The following MSANTD3 variants were observed in gnomAD, a reference collection of about 807,000 sequenced individuals.
MSANTD3 encodes myb/SANT-like DNA-binding domain-containing protein 3.
MSANTD3 carries 11 observed loss-of-function variants against 27.7 expected under a neutral mutation model. That is an observed-to-expected ratio of 0.40 (90% CI 0.25 to 0.66). The LOEUF (loss-of-function observed/expected upper bound fraction) is 0.66, where lower values mean the gene tolerates loss of function less well. Ranked by LOEUF, MSANTD3 falls within the 30% of genes least tolerant of loss-of-function variation. MSANTD3 has a pLI of 0.41. For synonymous variants in MSANTD3, 131 were observed against 127.2 expected (o/e 1.03, Z -0.20); for missense variants, 250 against 336.5 (o/e 0.74, Z 2.01).
intron 2 of MSANTD3, 28 bp downstream of exon 2, chr9:100,442,384 G>A (rs751481223): frequency 3.2e-6 from 5 of 1,573,564 alleles, no homozygotes; most frequent in Admixed American, 1.9e-5. Flanking sequence ...CAGTGTGCAC[G>A]CTCTCACTGG....
rs149196898 is a variant in MSANTD3, at chr9:100,443,314, G to T, written c.418+958G>T. On this transcript the variant is annotated intron_variant, in intron 2 of 2. Transcript: ENST00000395067. Reference sequence around the variant, plus strand: ...CTTGGGAGGCTGAGGCAGGAGAATCGCTTGAATTCGGGAGGCAGAGGTTGT... The same window carrying T: ...CTTGGGAGGCTGAGGCAGGAGAATCTCTTGAATTCGGGAGGCAGAGGTTGT... Among the ~76,000 whole-genome samples the T allele has an allele frequency of 5.9e-3, 901 of 151,862 alleles. 9 individuals carry two copies. Among genetic ancestry groups the T allele is most frequent in the African/African-American group, 0.02 (840 of 41,372 alleles).
intron 2 of MSANTD3, chr9:100,449,303 C>A (rs901792747): frequency 5.3e-6 from 5 of 949,914 alleles, no homozygotes; most frequent in Non-Finnish European, 6.3e-6. Context: ...ATATACTCTT[C>A]CCTTTATATT....
At chr9:100,436,719 T>A (rs1199023706) in intron 1 of MSANTD3, among the ~76,000 whole-genome samples, 1 of 152,180 alleles carries the variant, frequency 6.6e-6, no homozygotes, top group Non-Finnish European at 1.5e-5. Context: ...TTGGGAAGTA[T>A]TTGTTTTTGT....
chr9:100,440,652 G>T (rs954886133), intron 1 of MSANTD3, among the ~76,000 whole-genome samples: 5 of 148,322 alleles, frequency 3.4e-5, no homozygotes, highest in African/African-American at 1.0e-4. Context: ...GTGCGGTGGT[G>T]CAAACATGGC....
At chr9:100,439,754 C>T (rs980657161) in intron 1 of MSANTD3, among the ~76,000 whole-genome samples, 4 of 151,262 alleles carry the variant, frequency 2.6e-5, no homozygotes, top group Admixed American at 6.6e-5. Context: ...CTCCTGACCT[C>T]GTGATCCGCC....
intron 1 of MSANTD3, among the ~76,000 whole-genome samples, chr9:100,438,737 C>G (rs969370047): frequency 6.6e-6 from 1 of 152,070 alleles, no homozygotes; most frequent in Non-Finnish European, 1.5e-5. Flanking sequence ...AGAGATAATA[C>G]AGAAGAGAGA....
At chr9:100,427,435 G>T (rs1379534491) in intron 1 of MSANTD3, 42 bp downstream of exon 1, 2 of 149,384 alleles carry the variant, frequency 1.3e-5, no homozygotes, top group African/African-American at 4.9e-5. Context: ...CCGGGCGGGG[G>T]CGGGGGTGGG....
chr9:100,439,096 C>T (rs1321541808), intron 1 of MSANTD3, among the ~76,000 whole-genome samples: 1 of 152,164 alleles, frequency 6.6e-6, no homozygotes, highest in Non-Finnish European at 1.5e-5. Flanking sequence ...GGATTACCCT[C>T]GTACTTCATT....
intron 1 of MSANTD3, among the ~76,000 whole-genome samples, chr9:100,429,162 T>G (rs1417724775): frequency 6.6e-6 from 1 of 152,090 alleles, no homozygotes; most frequent in Non-Finnish European, 1.5e-5. Context: ...GAAGGGTGGT[T>G]TATTTTGTTT....
rs1836416388 is a variant in MSANTD3, at chr9:100,433,568, G to A, written c.-34+6175G>A. ...TAATTTTAATTTTTATAGCAATGGAGTTCTCCCATTGTTGCCTAGGCTGGT... is the reference window on the plus strand; with the variant it reads ...TAATTTTAATTTTTATAGCAATGGAATTCTCCCATTGTTGCCTAGGCTGGT... On this transcript the variant is annotated intron_variant, in intron 1 of 2. Coordinates refer to ENST00000395067, the MANE Select transcript of MSANTD3 (RefSeq NM_080655.3). Among the ~76,000 whole-genome samples the A allele has an allele frequency of 2.0e-5, 3 of 152,070 alleles. No individual in the cohort carries two copies. In the South Asian group the frequency reaches 6.2e-4, roughly 32 times the overall value.
chr9:100,434,000 T>C (rs757293771), intron 1 of MSANTD3, among the ~76,000 whole-genome samples: 4 of 152,210 alleles, frequency 2.6e-5, no homozygotes, highest in African/African-American at 7.2e-5. Flanking sequence ...ACTGTGCTTA[T>C]CACACTGTCT....
chr9:100,444,043 A>G (rs982671690), intron 2 of MSANTD3: 9 of 152,212 alleles, frequency 5.9e-5, no homozygotes, highest in African/African-American at 1.9e-4. Context: ...AAAGCCAGGA[A>G]TGTTGTCTGT....
intron 2 of MSANTD3, among the ~76,000 whole-genome samples, chr9:100,446,825 TA>T (rs34205662): frequency 3.6e-3 from 514 of 141,302 alleles, no homozygotes; most frequent in Admixed American, 4.2e-3. Context: ...AGACTTCGTC[TA>T]AAAAAAAAAA....
In MSANTD3 at chr9:100,442,091, G is replaced by T. The variant is rs1564249967; in HGVS notation, c.153G>T (p.Ala51=). Residue 51 remains alanine, a synonymous_variant, in exon 2 of 3, where the codon GCG becomes GCT. Coordinates refer to ENST00000395067, the MANE Select transcript of MSANTD3 (RefSeq NM_080655.3). ...CCCTTAAGCAGCGTACCTGGCAGGC[G>T]CTGGCCCACGAATACAACTCTCAGC... The part of the protein sequence containing the change: ...TIALKQRTWQ[A]LAHEYNSQPS... The T allele has an allele frequency of 6.2e-7, 1 of 1,614,174 alleles. No individual in the cohort carries two copies. Among genetic ancestry groups the T allele is most frequent in the Non-Finnish European group, 8.5e-7 (1 of 1,180,026 alleles).
At chr9:100,431,097 G>A (rs1836367007) in intron 1 of MSANTD3, among the ~76,000 whole-genome samples, 1 of 151,786 alleles carries the variant, frequency 6.6e-6, no homozygotes, top group Non-Finnish European at 1.5e-5. Flanking sequence ...CCACCTCCCG[G>A]GTTCAAGCAA....
At chr9:100,436,571 A>G (rs879322098) in intron 1 of MSANTD3, among the ~76,000 whole-genome samples, 1 of 152,176 alleles carries the variant, frequency 6.6e-6, no homozygotes, top group South Asian at 2.1e-4. Context: ...ATAAAAGTTG[A>G]TGCGGCAGGG....
intron 2 of MSANTD3, among the ~76,000 whole-genome samples, chr9:100,442,939 T>A (rs1291105355): frequency 6.6e-6 from 1 of 152,154 alleles, no homozygotes; most frequent in Non-Finnish European, 1.5e-5. Flanking sequence ...AATGGAGTTC[T>A]TATTAGTGAG....
At chr9:100,439,940 G>A (rs1048393360) in intron 1 of MSANTD3, among the ~76,000 whole-genome samples, 1 of 152,106 alleles carries the variant, frequency 6.6e-6, no homozygotes. Flanking sequence ...CTGGGAATAC[G>A]TAGGCCCTTC....
intron 1 of MSANTD3, among the ~76,000 whole-genome samples, chr9:100,437,472 C>A (rs142961054): frequency 2.1e-4 from 32 of 152,250 alleles, no homozygotes; most frequent in African/African-American, 7.5e-4. Context: ...GTTTTCTTAT[C>A]TGGGAAATGG....
Sources: gnomAD v4.1 joint callset for allele counts (sites outside exome capture counted in the v4.1 genomes callset) on GRCh38, gnomAD v4.1.1 for gene constraint, MANE v1.5 for transcripts, NCBI Gene and HGNC (gene_info 2026-07-23, HGNC 2026-07-21) for gene names.